Variants in CDH20 observed in about 807,000 individuals in gnomAD.
The protein encoded by CDH20 is cadherin-20.
A neutral mutation model predicts 74.2 loss-of-function variants in CDH20; 29 were observed. That is an observed-to-expected ratio of 0.39 (90% CI 0.29 to 0.53). The LOEUF is 0.53. Among genes scored for constraint, CDH20 ranks in the 20% least tolerant of loss-of-function variants. CDH20 has a pLI of 0.69. For missense variants in CDH20, 988 were observed against 1,048.3 expected, an observed-to-expected ratio of 0.94 and a Z score of 0.79; for synonymous variants, 469 against 405.4, an observed-to-expected ratio of 1.16 and a Z score of -1.88.
chr18:61,347,315 TATATACACACACACACAC>T (rs1395164896), intron 1 of CDH20, among the ~76,000 whole-genome samples: 6 of 55,902 alleles, frequency 1.1e-4, no homozygotes, highest in African/African-American at 3.1e-4. Context: ...TATATATATA[TATATACACACACACACAC>T]ACACACACAC....
chr18:61,498,941 T>C (rs1911264254), intron 2 of CDH20, among the ~76,000 whole-genome samples: 1 of 152,196 alleles, frequency 6.6e-6, no homozygotes, highest in Non-Finnish European at 1.5e-5. Context: ...AGAAGAATTT[T>C]GTTTAAATAA....
At chr18:61,528,899 C>T (rs1228784628) in intron 7 of CDH20, among the ~76,000 whole-genome samples, 1 of 152,172 alleles carries the variant, frequency 6.6e-6, no homozygotes, top group African/African-American at 2.4e-5. Context: ...GACATAGAAA[C>T]TACTTCTGTT....
intron 7 of CDH20, among the ~76,000 whole-genome samples, chr18:61,532,056 G>A (rs1009620907): frequency 1.2e-4 from 18 of 152,210 alleles, no homozygotes; most frequent in African/African-American, 3.9e-4. Flanking sequence ...TATAGACTAT[G>A]TGTCAATAAG....
At chr18:61,398,351 G>A (rs1214892036) in intron 1 of CDH20, among the ~76,000 whole-genome samples, 1 of 152,122 alleles carries the variant, frequency 6.6e-6, no homozygotes, top group African/African-American at 2.4e-5. Flanking sequence ...GAAAAGAGTA[G>A]TATCAATTTA....
intron 1 of CDH20, among the ~76,000 whole-genome samples, chr18:61,469,876 C>A (rs75057122): frequency 0.011 from 1,713 of 152,204 alleles, 31 homozygotes; most frequent in African/African-American, 0.038. Flanking sequence ...GGTACATGAA[C>A]TATATCAATG....
At chr18:61,543,458 G>A (rs1223366574) in intron 9 of CDH20, among the ~76,000 whole-genome samples, 1 of 150,942 alleles carries the variant, frequency 6.6e-6, no homozygotes, top group Non-Finnish European at 1.5e-5. Flanking sequence ...AACCCCCTCA[G>A]CCTGCCAGCT....
At chr18:61,551,564 C>T (rs1009264235) in intron 11 of CDH20, among the ~76,000 whole-genome samples, 2 of 152,136 alleles carry the variant, frequency 1.3e-5, no homozygotes, top group African/African-American at 4.8e-5. Context: ...TTCAGTCCTA[C>T]GTAAAGAGAG....
At chr18:61,417,135 A>G (rs761093997) in intron 1 of CDH20, among the ~76,000 whole-genome samples, 14 of 152,192 alleles carry the variant, frequency 9.2e-5, no homozygotes, top group Non-Finnish European at 1.6e-4. Context: ...CACTTTCTAA[A>G]TGACCAGTGG....
At position 61,454,870 on chromosome 18, in the gene CDH20, G is replaced by A. The variant is rs113832006; in HGVS notation, c.-152-35532G>A. ...TCCCCATTGTGGTAAGGTGTTTATT[G>A]GGTAGAGACAGATGCATTATTTGCA... On this transcript the variant is annotated intron_variant, in intron 1 of 11. Transcript: ENST00000262717. Among the ~76,000 whole-genome samples the A allele has an allele frequency of 4.1e-3, 626 of 152,284 alleles. 4 individuals are homozygous for A. Among genetic ancestry groups the A allele is most frequent in the African/African-American group, 0.014 (593 of 41,560 alleles).
chr18:61,548,787 G>A (rs1211718951), intron 10 of CDH20, among the ~76,000 whole-genome samples: 1 of 152,232 alleles, frequency 6.6e-6, no homozygotes, highest in African/African-American at 2.4e-5. Flanking sequence ...AGCTCATACA[G>A]ACTTCTGCCT....
intron 7 of CDH20, among the ~76,000 whole-genome samples, chr18:61,534,071 T>G (rs1420596977): frequency 1.3e-5 from 2 of 152,144 alleles, no homozygotes; most frequent in Non-Finnish European, 1.5e-5. Flanking sequence ...AAAAAAAATG[T>G]GCAAAATGCC....
At chr18:61,524,526 C>T (rs1912318195) in intron 6 of CDH20, among the ~76,000 whole-genome samples, 2 of 152,042 alleles carry the variant, frequency 1.3e-5, no homozygotes, top group Admixed American at 1.3e-4. Flanking sequence ...TCATAACCGT[C>T]AGAAATTGGA....
chr18:61,519,388 A>C (rs1254489247), intron 6 of CDH20, among the ~76,000 whole-genome samples: 2 of 151,274 alleles, frequency 1.3e-5, no homozygotes, highest in Non-Finnish European at 2.9e-5. Flanking sequence ...TGAGGTACCC[A>C]CAAAGGGAAG....
At chr18:61,509,082 G>A (rs577050362) in intron 6 of CDH20, among the ~76,000 whole-genome samples, 1 of 152,290 alleles carries the variant, frequency 6.6e-6, no homozygotes, top group East Asian at 1.9e-4. Context: ...AGGAAAGAGT[G>A]GTAGAGGGGC....
chr18:61,351,801 T>G (rs557824329), intron 1 of CDH20, among the ~76,000 whole-genome samples: 8 of 152,252 alleles, frequency 5.3e-5, no homozygotes, highest in African/African-American at 1.7e-4. Flanking sequence ...ATTGATGTCA[T>G]GAATACCTGT....
At position 61,554,387 on chromosome 18, in the gene CDH20, G is replaced by A. The variant is rs1367667297; in HGVS notation, c.2098G>A (p.Asp700Asn). Residue 700 changes from aspartate to asparagine, a missense_variant, in exon 12 of 12, where the codon GAC becomes AAC. Transcript: ENST00000262717. Reference protein sequence around the residue: ...QAGAAPKTRQDMLPEIESLSR... With the variant: ...QAGAAPKTRQNMLPEIESLSR... Reference sequence around the variant, plus strand: ...GGGGGCCGCCCCCAAGACGCGGCAGGACATGCTGCCCGAGATCGAGAGCCT... The same window carrying A: ...GGGGGCCGCCCCCAAGACGCGGCAGAACATGCTGCCCGAGATCGAGAGCCT... The A allele has an allele frequency of 7.4e-6, 12 of 1,612,850 alleles. No individual in the cohort carries two copies. The highest frequency in any genetic ancestry group is 2.2e-5 in the East Asian group (1 of 44,866).
intron 1 of CDH20, among the ~76,000 whole-genome samples, chr18:61,339,509 T>A (rs1381544297): frequency 6.6e-6 from 1 of 152,000 alleles, no homozygotes; most frequent in Non-Finnish European, 1.5e-5. Flanking sequence ...TTCCCACTTT[T>A]GAAGCCCCCA....
intron 1 of CDH20, among the ~76,000 whole-genome samples, chr18:61,395,820 G>A (rs1227511642): frequency 2.0e-5 from 3 of 152,214 alleles, no homozygotes; most frequent in African/African-American, 7.2e-5. Context: ...AGATCATGAG[G>A]TCAGGAGATC....
chr18:61,514,288 G>T (rs1051360966), intron 6 of CDH20, among the ~76,000 whole-genome samples: 1 of 151,682 alleles, frequency 6.6e-6, no homozygotes, highest in Non-Finnish European at 1.5e-5. Flanking sequence ...CCAGTTGATC[G>T]CATCAGCTCC....
Sources: allele counts gnomAD v4.1 joint callset (sites outside exome capture counted in the v4.1 genomes callset), GRCh38; gene constraint gnomAD v4.1.1; transcripts MANE v1.5; gene names NCBI Gene and HGNC (gene_info 2026-07-23, HGNC 2026-07-21).